The following BRI3BP variants were observed in gnomAD, a reference collection of about 807,000 sequenced individuals.
BRI3BP encodes BRI3 binding protein.
BRI3BP carries 7 observed loss-of-function variants against 15.8 expected under a neutral mutation model. The observed-to-expected ratio is 0.44, with a 90% CI of 0.25 to 0.83. The LOEUF (loss-of-function observed/expected upper bound fraction) is 0.83, where lower values mean the gene tolerates loss of function less well. BRI3BP is among the 40% of genes least tolerant of loss of function. The pLI is 0.20. For synonymous variants in BRI3BP, 192 were observed against 163.5 expected (o/e 1.17, Z -1.33); for missense variants, 320 against 339.3 (o/e 0.94, Z 0.45).
chr12:125,031,635 G>A (rs1170847575), downstream of BRI3BP, among the ~76,000 whole-genome samples: 1 of 132,766 alleles, frequency 7.5e-6, no homozygotes, highest in African/African-American at 3.0e-5. Context: ...GGAGTGCAGT[G>A]GCGAGATCTC....
chr12:125,027,908 C>A lies in BRI3BP; in HGVS notation c.*2478C>A, dbSNP rs1034729591. 2 of 152,046 alleles carry A rather than the reference C, an allele frequency of 1.3e-5. No individual in the cohort carries two copies. The highest frequency in any genetic ancestry group is 6.5e-5 in the Admixed American group (1 of 15,272). 9.4% of individuals were successfully genotyped at this position (152,046 alleles called of 1,614,324 possible). ...TTCACCGTGTTAGCCAGGATGGTCT[C>A]GATCTCCTGACCTCGTGATCCGCCC... On this transcript the variant is annotated 3_prime_UTR_variant, in exon 3 of 3. Coordinates refer to ENST00000341446, the MANE Select transcript of BRI3BP (RefSeq NM_080626.6).
intron 2 of BRI3BP, among the ~76,000 whole-genome samples, chr12:125,014,652 T>C (rs1224716943): frequency 6.6e-6 from 1 of 152,086 alleles, no homozygotes; most frequent in Non-Finnish European, 1.5e-5. Context: ...GTGTCAAAAT[T>C]CTAGACTCCC....
intron 2 of BRI3BP, among the ~76,000 whole-genome samples, chr12:125,019,635 C>CTT (rs1205730966): frequency 1.2e-3 from 39 of 33,032 alleles, no homozygotes; most frequent in Middle Eastern, 0.014. Context: ...TAATTCCACC[C>CTT]TTTTTTTTTT....
At chr12:125,036,557 G>A in the BRI3BP span, among the ~76,000 whole-genome samples, 3 of 142,080 alleles carry the variant, frequency 2.1e-5, no homozygotes, top group East Asian at 6.4e-4. Context: ...TGCTAACCAT[G>A]AAACAACAGC....
At chr12:125,032,937 G>A (rs1000057568), downstream of BRI3BP, among the ~76,000 whole-genome samples, 3 of 152,084 alleles carry the variant, frequency 2.0e-5, no homozygotes, top group Non-Finnish European at 4.4e-5. Context: ...AGTGTTCCTC[G>A]GACCTAGAGG....
chr12:125,044,746 G>T, the BRI3BP span, among the ~76,000 whole-genome samples: 1 of 151,998 alleles, frequency 6.6e-6, no homozygotes, highest in African/African-American at 2.4e-5. Flanking sequence ...CACCGCACCT[G>T]TCCCAGGCAG....
At chr12:125,009,435 G>A (rs944595839) in intron 1 of BRI3BP, among the ~76,000 whole-genome samples, 6 of 151,702 alleles carry the variant, frequency 4.0e-5, no homozygotes, top group Non-Finnish European at 7.4e-5. Context: ...GATTACAGGC[G>A]TGCACCACCA....
downstream of BRI3BP, among the ~76,000 whole-genome samples, chr12:125,032,947 G>C (rs1327551455): frequency 6.6e-6 from 1 of 152,024 alleles, no homozygotes; most frequent in Admixed American, 6.6e-5. Context: ...GGACCTAGAG[G>C]GTGCCGGGAA....
In BRI3BP at chr12:125,025,071, C is replaced by G. The variant is rs1955338520; in HGVS notation, c.397C>G (p.Leu133Val). 1 of 1,613,682 alleles carries G rather than the reference C, an allele frequency of 6.2e-7. No homozygotes were observed. Among genetic ancestry groups the G allele is most frequent in the African/African-American group, 1.3e-5 (1 of 75,048 alleles). Reference sequence around the variant, plus strand: ...CGCGCTCCTGCTGGTCGGCGTCGTCCTCCTGGCCTACTGGTTCTTGTCCCT... The same window carrying G: ...CGCGCTCCTGCTGGTCGGCGTCGTCGTCCTGGCCTACTGGTTCTTGTCCCT... ...ARALLLVGVVLLAYWFLSLTL... is the reference protein window; with the variant it reads ...ARALLLVGVVVLAYWFLSLTL... The change falls in exon 3 of 3, where the codon CTC becomes GTC. Residue 133 changes from leucine to valine, a missense_variant. Physicochemically the swap from Leu to Val is conservative, Grantham distance 32 (BLOSUM62 1). Coordinates refer to ENST00000341446, the MANE Select transcript of BRI3BP (RefSeq NM_080626.6).
At position 125,030,033 on chromosome 12, in the gene BRI3BP, G is replaced by A. The variant is rs368578312; in HGVS notation, c.*4603G>A. 3 of 152,186 alleles carry A rather than the reference G, an allele frequency of 2.0e-5. No homozygotes were observed. Among genetic ancestry groups the A allele is most frequent in the East Asian group, 1.9e-4 (1 of 5,204 alleles). The allele number at this position is 152,186 out of a possible 1,614,324, so 9.4% of individuals were successfully genotyped here. Reference sequence around the variant, plus strand: ...TGGCCCTGTGATTCAGGCTTATGGAGCGTTAAGAATAACAGCTGTCAAATG... The same window carrying A: ...TGGCCCTGTGATTCAGGCTTATGGAACGTTAAGAATAACAGCTGTCAAATG... On this transcript the variant is annotated 3_prime_UTR_variant, in exon 3 of 3. Transcript: ENST00000341446.
chr12:125,034,593 T>A (rs1483621618), downstream of BRI3BP, among the ~76,000 whole-genome samples: 1 of 151,962 alleles, frequency 6.6e-6, no homozygotes, highest in Non-Finnish European at 1.5e-5. Flanking sequence ...GTTTGTATTT[T>A]TTTTTTTTGG....
At chr12:125,010,649 G>A (rs7960844) in intron 1 of BRI3BP, among the ~76,000 whole-genome samples, 21,028 of 152,052 alleles carry the variant, frequency 0.14, 1,557 homozygotes, top group Admixed American at 0.16. Context: ...GGTGGCGCAT[G>A]CCTGTAGTCG....
At chr12:124,995,322 C>T (rs1478698345) in intron 1 of BRI3BP, among the ~76,000 whole-genome samples, 1 of 152,184 alleles carries the variant, frequency 6.6e-6, no homozygotes, top group African/African-American at 2.4e-5. Context: ...GGGAAAGGAT[C>T]AGGGGTGTGA....
At chr12:125,040,114 T>C in the BRI3BP span, among the ~76,000 whole-genome samples, 1 of 151,868 alleles carries the variant, frequency 6.6e-6, no homozygotes, top group African/African-American at 2.4e-5. Context: ...ATACAAAAAT[T>C]AGCTGGGTGT....
At chr12:125,008,080 C>T (rs1013342359) in intron 1 of BRI3BP, among the ~76,000 whole-genome samples, 1 of 150,774 alleles carries the variant, frequency 6.6e-6, no homozygotes, top group Non-Finnish European at 1.5e-5. Flanking sequence ...CCCTGAGAGT[C>T]TGCATTTCTG....
At chr12:125,002,976 C>A (rs1955108811) in intron 1 of BRI3BP, among the ~76,000 whole-genome samples, 1 of 152,152 alleles carries the variant, frequency 6.6e-6, no homozygotes, top group Non-Finnish European at 1.5e-5. Flanking sequence ...TGGGCAGGCC[C>A]ACTGCGCTGG....
At chr12:125,043,379 A>G in the BRI3BP span, among the ~76,000 whole-genome samples, 1 of 152,156 alleles carries the variant, frequency 6.6e-6, no homozygotes, top group Non-Finnish European at 1.5e-5. Flanking sequence ...CCACTCCCAC[A>G]GAACCGCTGC....
intron 1 of BRI3BP, among the ~76,000 whole-genome samples, chr12:125,006,530 A>C (rs1378801897): frequency 2.0e-5 from 3 of 152,174 alleles, no homozygotes; most frequent in Non-Finnish European, 4.4e-5. Flanking sequence ...TTTTCAGAGC[A>C]CCTGCCTGTC....
chr12:125,005,791 T>A (rs1427346719), intron 1 of BRI3BP, among the ~76,000 whole-genome samples: 1 of 150,644 alleles, frequency 6.6e-6, no homozygotes, highest in Non-Finnish European at 1.5e-5. Flanking sequence ...AAAAAAAAGA[T>A]CTAGAGGCCC....
Sources: allele counts gnomAD v4.1 joint callset (sites outside exome capture counted in the v4.1 genomes callset), GRCh38; gene constraint gnomAD v4.1.1; transcripts MANE v1.5; gene names NCBI Gene and HGNC (gene_info 2026-07-23, HGNC 2026-07-21).